MCM3AP: variants seen among roughly 807,000 people sequenced by gnomAD.
The protein encoded by MCM3AP is germinal-center associated nuclear protein.
Under a neutral mutation model 184.1 loss-of-function variants are expected in MCM3AP, and 126 were observed. The observed-to-expected ratio is 0.68, with a 90% CI of 0.59 to 0.79. MCM3AP has a LOEUF of 0.79. Among genes scored for constraint, MCM3AP ranks in the 30% least tolerant of loss-of-function variants. MCM3AP has a pLI of 0.00. For missense variants in MCM3AP, 2,496 were observed against 2,479.2 expected (o/e 1.01, Z -0.14); for synonymous variants, 1,002 against 979.3 (o/e 1.02, Z -0.43).
chr21:46,243,650 G>A lies in MCM3AP; in HGVS notation c.5111C>T (p.Pro1704Leu). 1 of 1,614,248 alleles carries A rather than the reference G, an allele frequency of 6.2e-7. No individual in the cohort carries two copies. The highest frequency in any genetic ancestry group is 1.3e-5 in the African/African-American group (1 of 75,072). ...SQIPSSRQTQ[P>L]VLQSQVENLL... is the part of the protein sequence containing the mutation. ...GTTCTCCACCTGGGACTGGAGGACAGGCTGTGTCTGGCGTGAGCTGGGGAT... is the reference window on the plus strand; with the variant it reads ...GTTCTCCACCTGGGACTGGAGGACAAGCTGTGTCTGGCGTGAGCTGGGGAT... The change falls in exon 24 of 28, where the codon CCT becomes CTT. Residue 1704 changes from proline (P) to leucine (L), a missense_variant. By Grantham distance (98) the Pro-to-Leu change is moderately conservative. Around this residue, in one of 5 missense-constraint regions of MCM3AP, gnomAD observed 1,323 missense variants for 1,273.4 expected, o/e 1.04. Coordinates refer to ENST00000291688, the MANE Select transcript of MCM3AP (RefSeq NM_003906.5).
intron 27 of MCM3AP, chr21:46,236,284 TTGAAACTC>T (rs1354233713): frequency 1.3e-5 from 2 of 152,280 alleles, no homozygotes; most frequent in Non-Finnish European, 2.9e-5. Flanking sequence ...ATATCTGTGA[TTGAAACTC>T]TGTTTTTGCA....
At chr21:46,246,969 C>T (rs1639137547) in intron 20 of MCM3AP, 83 bp from the exon 21 acceptor site, 3 of 1,447,978 alleles carry the variant, frequency 2.1e-6, no homozygotes, top group Non-Finnish European at 2.9e-6. Flanking sequence ...CAAGTGCAGC[C>T]AAAGCTCTCC....
chr21:46,254,868 G>C (rs558337026), intron 17 of MCM3AP, 24 bp from the exon 18 acceptor site: 79 of 1,595,514 alleles, frequency 5.0e-5, no homozygotes, highest in Non-Finnish European at 6.3e-5. Context: ...CAGAATGACA[G>C]TGTCCCCGCA....
chr21:46,246,791 G>T lies in MCM3AP; in HGVS notation c.4386C>A (p.Pro1462=), dbSNP rs759887452. The change falls in exon 21 of 28, where the codon CCC becomes CCA. Residue 1462 remains proline (P), a synonymous_variant. Transcript: ENST00000291688. ...CTGCCATGTCCTCACTCTTCATTTTGGGGGGAAGCAGCAGCATGAGCCCAC... is the reference window on the plus strand; with the variant it reads ...CTGCCATGTCCTCACTCTTCATTTTTGGGGGAAGCAGCAGCATGAGCCCAC... ...GASGLMLLLP[P]KMKSEDMAEE... is the part of the protein sequence containing the mutation. 2 of 1,614,190 alleles carry T rather than the reference G, an allele frequency of 1.2e-6. No homozygotes were observed. Among genetic ancestry groups the T allele is most frequent in the African/African-American group, 1.3e-5 (1 of 75,040 alleles).
At position 46,261,186 on chromosome 21, in the gene MCM3AP, A is replaced by G. The variant is rs577401219; in HGVS notation, c.3467+94T>C. ...GTCAGCAGGGGTGGAATGGTAGCAC[A>G]GTGGACAATAGCAGGAGCATCGTGG... On this transcript the variant is annotated intron_variant, in intron 14 of 27. Transcript: ENST00000291688. 31 of 1,480,552 alleles carry G rather than the reference A, an allele frequency of 2.1e-5. No individual in the cohort carries two copies. In the East Asian group the frequency reaches 6.8e-4, roughly 32 times the overall value. The allele number at this position is 1,480,552 out of a possible 1,614,324, so 91.7% of individuals were successfully genotyped here.
rs914391675 is a variant in MCM3AP, at chr21:46,264,285, T to C, written c.3235-68A>G. 2.1e-5 allele frequency: 21 copies of C among 998,020 alleles called. No homozygotes were observed. In the Admixed American group the frequency reaches 2.8e-4, roughly 13 times the overall value. 61.8% of individuals were successfully genotyped at this position (998,020 alleles called of 1,614,324 possible). A position where few individuals can be genotyped will look rare whatever the true frequency, so the allele number is the denominator to read the frequency against. ...AGGGCAGAAATGCTGGGTAACATGT[T>C]GTCACCGGACAGTCTGCAGGCGTCT... On this transcript the variant is annotated intron_variant, in intron 12 of 27. Coordinates refer to ENST00000291688, the MANE Select transcript of MCM3AP (RefSeq NM_003906.5).
At chr21:46,281,770 G>T (rs896023867) in intron 2 of MCM3AP, among the ~76,000 whole-genome samples, 6 of 151,946 alleles carry the variant, frequency 3.9e-5, no homozygotes, top group Non-Finnish European at 5.9e-5. Context: ...GGAGGCCAAG[G>T]TGCGTGGAAC....
intron 8 of MCM3AP, among the ~76,000 whole-genome samples, chr21:46,271,052 C>T (rs540910317): frequency 5.8e-4 from 89 of 152,248 alleles, no homozygotes; most frequent in African/African-American, 2.0e-3. Flanking sequence ...AAACAGAAAA[C>T]TTAACTCTTT....
At chr21:46,268,884 G>A (rs115090589) in intron 9 of MCM3AP, among the ~76,000 whole-genome samples, 2,553 of 152,152 alleles carry the variant, frequency 0.017, 40 homozygotes, top group African/African-American at 0.035. Flanking sequence ...TCTCTACTAA[G>A]TTAGCTGGGC....
chr21:46,273,590 A>T lies in MCM3AP; in HGVS notation c.1999-5T>A. 1 of 1,613,152 alleles carries T rather than the reference A, an allele frequency of 6.2e-7. No individual in the cohort carries two copies. Among genetic ancestry groups the T allele is most frequent in the Non-Finnish European group, 8.5e-7 (1 of 1,179,476 alleles). On this transcript the variant is annotated splice_region_variant and splice_polypyrimidine_tract_variant and intron_variant, in intron 6 of 27. Transcript: ENST00000291688. Reference sequence around the variant, plus strand: ...CACAGCTGCTGCGTGGTCCACCTAGAGACATGAAGCCGAGACAGGATGCCC... The same window carrying T: ...CACAGCTGCTGCGTGGTCCACCTAGTGACATGAAGCCGAGACAGGATGCCC...
In MCM3AP at chr21:46,285,017, A is replaced by C. The variant is rs763238116; in HGVS notation, c.270T>G (p.Thr90=). ...SVGPFSGLEH[T]STFVATSGPS... ...GCCCAGAGGTAGCCACAAAGGTGGA[A>C]GTGTGCTCAAGTCCAGAAAAGGGTC... Residue 90 remains threonine, a synonymous_variant, in exon 1 of 28, where the codon ACT becomes ACG. Coordinates refer to ENST00000291688, the MANE Select transcript of MCM3AP (RefSeq NM_003906.5). The C allele has an allele frequency of 6.2e-7, 1 of 1,614,218 alleles. No individual in the cohort carries two copies. The highest frequency in any genetic ancestry group is 1.1e-5 in the South Asian group (1 of 91,086).
At chr21:46,253,845 G>GTT (rs1450878598) in intron 19 of MCM3AP, 2 of 157,058 alleles carry the variant, frequency 1.3e-5, no homozygotes, top group African/African-American at 4.8e-5. Context: ...GCGAGACCTG[G>GTT]TTAAGTGTGC....
intron 5 of MCM3AP, among the ~76,000 whole-genome samples, 157 bp downstream of exon 5, chr21:46,277,370 A>G (rs1413265723): frequency 2.0e-5 from 3 of 152,162 alleles, no homozygotes; most frequent in Admixed American, 6.5e-5. Context: ...ACTCACTCCA[A>G]GAAGACAGGC....
chr21:46,265,811 G>T, intron 11 of MCM3AP, 114 bp downstream of exon 11: 1 of 1,325,318 alleles, frequency 7.5e-7, no homozygotes, highest in Non-Finnish European at 1.0e-6. Flanking sequence ...CAAGACAGGT[G>T]CTCAGGCTCC....
chr21:46,265,642 T>C, intron 11 of MCM3AP, 119 bp from the exon 12 acceptor site: 3 of 856,628 alleles, frequency 3.5e-6, no homozygotes, highest in Non-Finnish European at 5.3e-6. Flanking sequence ...AGGACTGGCC[T>C]GCCCTCCAGG....
intron 22 of MCM3AP, 48 bp downstream of exon 22, chr21:46,246,259 G>GA: frequency 7.9e-7 from 1 of 1,260,346 alleles, no homozygotes; most frequent in Non-Finnish European, 1.2e-6. Flanking sequence ...AGCAAAAGGG[G>GA]AAAAAACAAA....
At chr21:46,247,313 G>A (rs1029746788) in intron 20 of MCM3AP, 7 of 158,758 alleles carry the variant, frequency 4.4e-5, no homozygotes, top group Non-Finnish European at 9.7e-5. Flanking sequence ...TATATTCAGA[G>A]GACAATCACC....
In MCM3AP at chr21:46,265,067, A is replaced by T. The variant is rs146321490; in HGVS notation, c.3234+254T>A. Among the ~76,000 whole-genome samples the T allele has an allele frequency of 4.4e-4, 67 of 152,256 alleles. No individual in the cohort carries two copies. In the Middle Eastern group the frequency reaches 0.01, roughly 23 times the overall value. ...CAATGCTGCCAATGATCCCGTCAGGAATAGACGGGTGTTGAGTTCAGACAC... is the reference window on the plus strand; with the variant it reads ...CAATGCTGCCAATGATCCCGTCAGGTATAGACGGGTGTTGAGTTCAGACAC... On this transcript the variant is annotated intron_variant, in intron 12 of 27. Transcript: ENST00000291688.
In MCM3AP at chr21:46,273,529, C is replaced by T. The variant is rs537861114; in HGVS notation, c.2055G>A (p.Glu685=). 3.9e-4 allele frequency: 624 copies of T among 1,613,894 alleles called. 6 individuals are homozygous for T. The South Asian group carries it at 6.1e-3, about 16-fold the overall frequency. The stretch of plus-strand genomic sequence containing the variant: ...AGGGCCGCAGCTCGTGGGGCAGGGG[C>T]TCCTCCTGATCCGCCGAGGACCGAC... ...EYSRSSADQE[E]PLPHELRPLP... is the part of the protein sequence containing the mutation. Residue 685 remains glutamate (E), a synonymous_variant, in exon 7 of 28, where the codon GAG becomes GAA. Coordinates refer to ENST00000291688, the MANE Select transcript of MCM3AP (RefSeq NM_003906.5).
Sources: gnomAD v4.1 joint callset for allele counts (sites outside exome capture counted in the v4.1 genomes callset) on GRCh38, gnomAD v4.1.1 for gene constraint, gnomAD v4.1.1 regional missense constraint, MANE v1.5 for transcripts, NCBI Gene and HGNC (gene_info 2026-07-23, HGNC 2026-07-21) for gene names.